The following CDH9 variants were observed in gnomAD, a reference collection of about 807,000 sequenced individuals.
CDH9 encodes the protein cadherin 9, also known as cadherin-9.
A neutral mutation model predicts 70.9 loss-of-function variants in CDH9; 28 were observed. The observed-to-expected ratio is 0.40, with a 90% CI of 0.29 to 0.54. CDH9 has a LOEUF of 0.54. Ranked by LOEUF, CDH9 falls within the 20% of genes least tolerant of loss-of-function variation. The probability of loss-of-function intolerance (pLI) is 0.59; values close to 1 mark genes in which losing one functional copy is unlikely to be tolerated. For synonymous variants in CDH9, 409 were observed against 343.1 expected (o/e 1.19, Z -2.12); for missense variants, 874 against 984.4 (o/e 0.89, Z 1.50).
Position 26,902,253 on chromosome 5 carries a change from A to T in CDH9, c.1253+223T>A, listed in dbSNP as rs113834336. 7.1e-3 allele frequency among the ~76,000 whole-genome samples: 1,077 copies of T among 152,048 alleles called. 12 individuals carry two copies. Among genetic ancestry groups the T allele is most frequent in the African/African-American group, 0.022 (932 of 41,538 alleles). ...TCTACCTTGTACCCAGAGCATTTCA[A>T]AGACAGCCAAGCTAAGAATTTGTTC... is the stretch of plus-strand genomic sequence containing the variant. On this transcript the variant is annotated intron_variant, in intron 7 of 11. Transcript: ENST00000231021.
At chr5:26,935,773 G>T (rs1261152367) in intron 2 of CDH9, among the ~76,000 whole-genome samples, 1 of 152,118 alleles carries the variant, frequency 6.6e-6, no homozygotes, top group Non-Finnish European at 1.5e-5. Context: ...CAATGAAAAA[G>T]AAGTCATTAT....
intron 3 of CDH9, among the ~76,000 whole-genome samples, chr5:26,915,250 C>T (rs1038225737): frequency 6.6e-6 from 1 of 151,952 alleles, no homozygotes; most frequent in Non-Finnish European, 1.5e-5. Context: ...TAGAAATTTG[C>T]CAAATGCAAG....
chr5:26,948,836 C>T (rs1330859264), intron 2 of CDH9, among the ~76,000 whole-genome samples: 1 of 152,092 alleles, frequency 6.6e-6, no homozygotes, highest in Non-Finnish European at 1.5e-5. Flanking sequence ...TAAGTGAACA[C>T]GACCTAAGTT....
intron 1 of CDH9, among the ~76,000 whole-genome samples, chr5:27,031,570 A>G (rs568267201): frequency 7.9e-5 from 12 of 152,050 alleles, no homozygotes; most frequent in South Asian, 2.1e-4. Context: ...AATTTATTCA[A>G]TGTAAGACTT....
At chr5:26,949,581 A>G (rs554699954) in intron 2 of CDH9, among the ~76,000 whole-genome samples, 2 of 152,346 alleles carry the variant, frequency 1.3e-5, no homozygotes, top group East Asian at 3.9e-4. Flanking sequence ...CAGAAGAAAC[A>G]TTGAACTCAT....
chr5:26,909,796 T>C (rs964276889), intron 3 of CDH9, among the ~76,000 whole-genome samples: 1 of 151,970 alleles, frequency 6.6e-6, no homozygotes, highest in African/African-American at 2.4e-5. Flanking sequence ...TAACTAATAA[T>C]CTTTAGGAAA....
chr5:26,890,816 T>G, intron 7 of CDH9: 1 of 358,012 alleles, frequency 2.8e-6, no homozygotes, highest in South Asian at 4.8e-5. Flanking sequence ...GGATGGCAGC[T>G]GTTAAAGTGA....
chr5:26,920,519 C>G (rs1741225565), intron 2 of CDH9, among the ~76,000 whole-genome samples: 1 of 152,022 alleles, frequency 6.6e-6, no homozygotes, highest in Non-Finnish European at 1.5e-5. Context: ...CTTGAGTGAA[C>G]ACAGACGGTA....
chr5:26,953,575 G>A (rs1391017778), intron 2 of CDH9, among the ~76,000 whole-genome samples: 1 of 151,976 alleles, frequency 6.6e-6, no homozygotes, highest in Non-Finnish European at 1.5e-5. Context: ...ATATTTAAAT[G>A]CCTGCCTTGC....
chr5:26,945,628 AT>A (rs1741739597), intron 2 of CDH9, among the ~76,000 whole-genome samples: 2 of 152,144 alleles, frequency 1.3e-5, no homozygotes, highest in South Asian at 4.1e-4. Context: ...AATCAAACAA[AT>A]TTTCAAGTTC....
chr5:27,019,873 A>C (rs1743108119), intron 1 of CDH9, among the ~76,000 whole-genome samples: 1 of 151,898 alleles, frequency 6.6e-6, no homozygotes, highest in African/African-American at 2.4e-5. Context: ...ATATTCGTCT[A>C]CCACATAGGG....
chr5:26,897,983 T>C (rs1740782734), intron 7 of CDH9, among the ~76,000 whole-genome samples: 1 of 152,198 alleles, frequency 6.6e-6, no homozygotes, highest in Non-Finnish European at 1.5e-5. Context: ...AATCTCAGGA[T>C]ATAAAATCAA....
At chr5:26,977,483 G>GTGTATATATATATATATATATATA (rs1742321304) in intron 2 of CDH9, among the ~76,000 whole-genome samples, 1 of 141,466 alleles carries the variant, frequency 7.1e-6, no homozygotes, top group African/African-American at 2.9e-5. Context: ...GTGTGTGTGT[G>GTGTATATATATATATATATATATA]TGTATATATA....
intron 1 of CDH9, among the ~76,000 whole-genome samples, chr5:27,012,085 A>G (rs1742968988): frequency 6.6e-6 from 1 of 151,948 alleles, no homozygotes; most frequent in Non-Finnish European, 1.5e-5. Context: ...AGGATCCACT[A>G]TACCCTTAGA....
intron 1 of CDH9, among the ~76,000 whole-genome samples, chr5:26,999,876 T>C (rs1306940322): frequency 6.6e-6 from 1 of 152,132 alleles, no homozygotes; most frequent in Non-Finnish European, 1.5e-5. Flanking sequence ...GATAAAAATA[T>C]TACAAAATTT....
intron 1 of CDH9, among the ~76,000 whole-genome samples, chr5:27,026,909 T>C (rs758167714): frequency 9.2e-5 from 14 of 151,972 alleles, no homozygotes; most frequent in South Asian, 2.1e-4. Context: ...AAAATCCTTA[T>C]ATAAATGAAT....
chr5:26,894,578 C>A (rs1740714533), intron 7 of CDH9, among the ~76,000 whole-genome samples: 1 of 152,100 alleles, frequency 6.6e-6, no homozygotes, highest in Non-Finnish European at 1.5e-5. Flanking sequence ...TGATGTCTCA[C>A]AATTTGTCAA....
intron 1 of CDH9, among the ~76,000 whole-genome samples, chr5:27,004,680 A>C (rs1212882733): frequency 6.6e-6 from 1 of 152,156 alleles, no homozygotes; most frequent in Non-Finnish European, 1.5e-5. Context: ...AATGAGAGAC[A>C]CATGAGATGT....
intron 2 of CDH9, among the ~76,000 whole-genome samples, chr5:26,969,576 A>G (rs1453242923): frequency 6.6e-6 from 1 of 152,056 alleles, no homozygotes; most frequent in Non-Finnish European, 1.5e-5. Context: ...AAATAAAATT[A>G]TGTTTTCCTT....
Sources: allele counts gnomAD v4.1 joint callset (sites outside exome capture counted in the v4.1 genomes callset), GRCh38; gene constraint gnomAD v4.1.1; transcripts MANE v1.5; gene names NCBI Gene and HGNC (gene_info 2026-07-23, HGNC 2026-07-21).